Variants in HCN2 observed in about 807,000 individuals in gnomAD.
HCN2 encodes the protein hyperpolarization activated cyclic nucleotide gated potassium and sodium channel 2, also known as potassium/sodium hyperpolarization-activated cyclic nucleotide-gated channel 2.
A neutral mutation model predicts 52.3 loss-of-function variants in HCN2; 20 were observed. The ratio of observed to expected loss-of-function variants is 0.38; its 90% confidence interval spans 0.27 to 0.56. The LOEUF (loss-of-function observed/expected upper bound fraction) is 0.56, where lower values mean the gene tolerates loss of function less well. Among genes scored for constraint, HCN2 ranks in the 20% least tolerant of loss-of-function variants. The pLI is 0.71. For missense variants in HCN2, 981 were observed against 1,207.7 expected (o/e 0.81, Z 2.78); for synonymous variants, 694 against 537.0 (o/e 1.29, Z -4.04).
chr19:615,167 C>A (rs528469079), intron 7 of HCN2, among the ~76,000 whole-genome samples: 6 of 152,256 alleles, frequency 3.9e-5, no homozygotes, highest in Admixed American at 1.3e-4. Flanking sequence ...GGTACACATG[C>A]ATACTTGGTG....
rs550717244 is a variant in HCN2, at chr19:615,780, C to T, written c.1991-15C>T. On this transcript the variant is annotated splice_polypyrimidine_tract_variant and intron_variant, in intron 7 of 7. Transcript: ENST00000251287. Reference sequence around the variant, plus strand: ...GGCGCTCCCTGTGCACACGCTAACGCCCCCTCTCCCGCAGGCAAGAAGAAT... The same window carrying T: ...GGCGCTCCCTGTGCACACGCTAACGTCCCCTCTCCCGCAGGCAAGAAGAAT... 17 of 1,610,220 alleles carry T rather than the reference C, an allele frequency of 1.1e-5. No individual in the cohort carries two copies. The highest frequency in any genetic ancestry group is 2.2e-5 in the South Asian group (2 of 90,728).
At position 606,360 on chromosome 19, in the gene HCN2, C is replaced by A. The variant is rs183987938; in HGVS notation, c.1218+1138C>A. On this transcript the variant is annotated intron_variant, in intron 3 of 7. Coordinates refer to ENST00000251287, the MANE Select transcript of HCN2 (RefSeq NM_001194.4). ...AGGTGATCCGCCTGCCTCGGCCTCCCAAAGTGTTGGGATTACAGGCGTGAG... is the reference window on the plus strand; with the variant it reads ...AGGTGATCCGCCTGCCTCGGCCTCCAAAAGTGTTGGGATTACAGGCGTGAG... Among the ~76,000 whole-genome samples, 900 of 152,018 alleles carry A rather than the reference C, an allele frequency of 5.9e-3. 6 individuals are homozygous for A. The highest frequency in any genetic ancestry group is 0.027 in the Middle Eastern group (8 of 294).
chr19:596,540 C>T (rs1026023520), intron 1 of HCN2, among the ~76,000 whole-genome samples: 3 of 152,214 alleles, frequency 2.0e-5, no homozygotes, highest in African/African-American at 7.2e-5. Context: ...CTCGTAGAGG[C>T]CTCACTGTTA....
chr19:616,356 C>T lies in HCN2; in HGVS notation c.2552C>T (p.Thr851Met). 1 of 1,214,692 alleles carries T rather than the reference C, an allele frequency of 8.2e-7. No homozygotes were observed. The highest frequency in any genetic ancestry group is 1.0e-6 in the Non-Finnish European group (1 of 965,482). The allele number at this position is 1,214,692 out of a possible 1,614,324, so 75.2% of individuals were successfully genotyped here. A position where few individuals can be genotyped will look rare whatever the true frequency, so the allele number is the denominator to read the frequency against. ...AGCTCCACACCGCGCTTGGGGCCCA[C>T]GCCCGCTGCCCGGGCCGCCGCGCCC... ...ASSSTPRLGP[T>M]PAARAAAPSP... The change falls in exon 8 of 8, where the codon ACG becomes ATG. Residue 851 changes from threonine (T) to methionine (M), a missense_variant. Physicochemically the swap from Thr to Met is moderately conservative, Grantham distance 81 (BLOSUM62 -1). Around this residue, in one of 6 missense-constraint regions of HCN2, gnomAD observed 368 missense variants for 314.8 expected, o/e 1.17. Coordinates refer to ENST00000251287, the MANE Select transcript of HCN2 (RefSeq NM_001194.4).
intron 1 of HCN2, among the ~76,000 whole-genome samples, chr19:595,639 T>C (rs895528470): frequency 5.3e-5 from 8 of 152,310 alleles, no homozygotes; most frequent in African/African-American, 1.7e-4. Context: ...GTGTCTGTCT[T>C]GGGGCTGGGC....
Position 617,112 on chromosome 19 carries a change from AACCCCCAC to A in HCN2, c.*646_*653del. 1 of 473,210 alleles carries A rather than the reference AACCCCCAC, an allele frequency of 2.1e-6. No homozygotes were observed. The highest frequency in any genetic ancestry group is 4.5e-5 in the East Asian group (1 of 22,002). 29.3% of individuals were successfully genotyped at this position (473,210 alleles called of 1,614,324 possible). ...CCACCGTGGCCCCCCACGCCCCATTAACCCCCACACCCCCATTCCGCGCAATAAACGAC... is the reference window on the plus strand; with the variant it reads ...CCACCGTGGCCCCCCACGCCCCATTAACCCCCATTCCGCGCAATAAACGAC... On this transcript the variant is annotated 3_prime_UTR_variant, in exon 8 of 8. Transcript: ENST00000251287.
At chr19:612,455 A>C (rs1983682404) in intron 5 of HCN2, among the ~76,000 whole-genome samples, 1 of 146,946 alleles carries the variant, frequency 6.8e-6, no homozygotes, top group African/African-American at 2.5e-5. Flanking sequence ...TCGCTCTGTC[A>C]CCCGGGCTCC....
intron 4 of HCN2, among the ~76,000 whole-genome samples, chr19:609,611 A>T (rs898737046): frequency 2.0e-5 from 3 of 152,210 alleles, no homozygotes; most frequent in African/African-American, 7.2e-5. Flanking sequence ...ACAAAAAATT[A>T]AAAAATTAGC....
chr19:603,787 G>A lies in HCN2; in HGVS notation c.876G>A (p.Val292=). 6.2e-7 allele frequency: 1 copy of A among 1,612,770 alleles called. No homozygotes were observed. The highest frequency in any genetic ancestry group is 1.1e-5 in the South Asian group (1 of 91,058). ...AGAAGTATCTGCGCACGTGGTTCGT[G>A]GTGGACTTCGTGTCCTCCATCCCCG... is the stretch of plus-strand genomic sequence containing the variant. ...IKKKYLRTWF[V]VDFVSSIPVD... Residue 292 remains valine, a synonymous_variant, in exon 2 of 8, where the codon GTG becomes GTA. Transcript: ENST00000251287.
chr19:595,099 G>C (rs1982985345), intron 1 of HCN2, among the ~76,000 whole-genome samples: 1 of 152,128 alleles, frequency 6.6e-6, no homozygotes, highest in South Asian at 2.1e-4. Flanking sequence ...CTACTCTGGA[G>C]GCTGAGGCGG....
intron 3 of HCN2, among the ~76,000 whole-genome samples, chr19:605,709 G>A (rs1229705204): frequency 8.2e-5 from 7 of 85,740 alleles, no homozygotes; most frequent in Non-Finnish European, 4.6e-5. Context: ...GGACCCAGGC[G>A]CCCCCTTATG....
At chr19:603,511 A>G (rs1200071327) in intron 1 of HCN2, 33 bp from the exon 2 acceptor site, 2 of 1,566,914 alleles carry the variant, frequency 1.3e-6, no homozygotes, top group Non-Finnish European at 1.7e-6. Flanking sequence ...CCGGGGAGGC[A>G]CCGGCCTGAG....
rs1350907153 is a variant in HCN2 at position 592,256 on chromosome 19, A to G, written c.632+1679A>G. ...TCCCCTCCAGCATGACCTTCGACAG[A>G]GATGGGTGCACCGCAGCGTGGGGGC... On this transcript the variant is annotated intron_variant, in intron 1 of 7. Transcript: ENST00000251287. This position sits in a 1 kb window ranked among gnomAD's most constrained non-coding sequence, Gnocchi z 4.8. 3.9e-5 allele frequency among the ~76,000 whole-genome samples: 6 copies of G among 152,170 alleles called. No homozygotes were observed. The East Asian group carries it at 9.6e-4, about 24-fold the overall frequency.
intron 5 of HCN2, 102 bp downstream of exon 5, chr19:610,507 G>A: frequency 1.9e-6 from 2 of 1,026,546 alleles, no homozygotes; most frequent in South Asian, 1.4e-5. Context: ...GAGGTGCCTA[G>A]GCTGCAGCAG....
intron 4 of HCN2, among the ~76,000 whole-genome samples, chr19:610,049 C>T (rs532730280): frequency 3.3e-5 from 5 of 149,868 alleles, no homozygotes; most frequent in East Asian, 1.9e-4. Flanking sequence ...TGACCCAGCC[C>T]TGACCCCCCA....
chr19:614,028 G>GGGGGCGGGTGCCCTGGCGGGGGA lies in HCN2; in HGVS notation c.1990+18_1990+19insGGTGCCCTGGCGGGGGAGGGGCG. On this transcript the variant is annotated intron_variant, in intron 7 of 7. Coordinates refer to ENST00000251287, the MANE Select transcript of HCN2 (RefSeq NM_001194.4). ...CCTGGACCGCATCGGTGAGCGGGCC[G>GGGGGCGGGTGCCCTGGCGGGGGA]GGGGCGTGGCCGGGGCGGGTGCCCT... The GGGGGCGGGTGCCCTGGCGGGGGA allele has an allele frequency of 7.2e-7, 1 of 1,387,694 alleles. No homozygotes were observed. Among genetic ancestry groups the GGGGGCGGGTGCCCTGGCGGGGGA allele is most frequent in the Non-Finnish European group, 9.7e-7 (1 of 1,035,682 alleles). The allele number at this position is 1,387,694 out of a possible 1,614,324, so 86.0% of individuals were successfully genotyped here. A position where few individuals can be genotyped will look rare whatever the true frequency, so the allele number is the denominator to read the frequency against.
At chr19:610,539 C>T (rs763065325) in intron 5 of HCN2, 134 bp downstream of exon 5, 489 of 728,850 alleles carry the variant, frequency 6.7e-4, no homozygotes, top group Non-Finnish European at 9.7e-4. Context: ...GCTAGACCTG[C>T]GTACACACCC....
chr19:613,780 G>A, intron 6 of HCN2, 72 bp from the exon 7 acceptor site: 1 of 1,399,580 alleles, frequency 7.1e-7, no homozygotes, highest in South Asian at 1.6e-5. Context: ...CAGAGGCCGG[G>A]CCGTGTGCCT....
chr19:611,120 C>T (rs1983617929), intron 5 of HCN2, among the ~76,000 whole-genome samples: 1 of 152,240 alleles, frequency 6.6e-6, no homozygotes, highest in South Asian at 2.1e-4. Flanking sequence ...CTTAACTGGG[C>T]CATGTCTGCA....
Sources: allele counts gnomAD v4.1 joint callset (sites outside exome capture counted in the v4.1 genomes callset), GRCh38; gene constraint gnomAD v4.1.1; regional missense constraint gnomAD v4.1.1; non-coding constraint Gnocchi (gnomAD v3.1); transcripts MANE v1.5; gene names NCBI Gene and HGNC (gene_info 2026-07-23, HGNC 2026-07-21).